The following IL16 variants were observed in gnomAD, a reference collection of about 807,000 sequenced individuals.
IL16 encodes interleukin 16.
A neutral mutation model predicts 110.1 loss-of-function variants in IL16; 67 were observed. That is an observed-to-expected ratio of 0.61 (90% CI 0.50 to 0.75). The LOEUF (loss-of-function observed/expected upper bound fraction) is 0.75, where lower values mean the gene tolerates loss of function less well. Ranked by LOEUF, IL16 falls within the 30% of genes least tolerant of loss-of-function variation. The probability of loss-of-function intolerance (pLI) is 0.00; values close to 1 mark genes in which losing one functional copy is unlikely to be tolerated. For missense variants in IL16, 1,545 were observed against 1,655.0 expected (o/e 0.93, Z 1.15); for synonymous variants, 689 against 662.9 (o/e 1.04, Z -0.61).
rs925417335 is a variant in IL16 at position 81,303,868 on chromosome 15, A to G, written c.3420+218A>G. Among the ~76,000 whole-genome samples, 2 of 152,214 alleles carry G rather than the reference A, an allele frequency of 1.3e-5. No individual in the cohort carries two copies. Among genetic ancestry groups the G allele is most frequent in the Admixed American group, 6.5e-5 (1 of 15,290 alleles). On this transcript the variant is annotated intron_variant, in intron 16 of 18. Transcript: ENST00000683961. This position sits in a 1 kb window ranked among gnomAD's most constrained non-coding sequence, Gnocchi z 4.1. ...GGCATCTTTTCCTGTGGGTCCCACT[A>G]TTCTGGCTCATCCAATCTGATCAGC...
chr15:81,219,613 G>A (rs575677386), intron 1 of IL16, among the ~76,000 whole-genome samples: 1 of 152,268 alleles, frequency 6.6e-6, no homozygotes, highest in Admixed American at 6.5e-5. Context: ...TGGTCCCTGT[G>A]AGGGGCTTCT....
intron 1 of IL16, among the ~76,000 whole-genome samples, chr15:81,214,132 A>T (rs145974305): frequency 2.3e-3 from 345 of 152,324 alleles, no homozygotes; most frequent in African/African-American, 7.6e-3. Flanking sequence ...TAGTTAAAAC[A>T]AATTCCATCA....
At chr15:81,297,147 C>T (rs1900027920) in intron 13 of IL16, 69 bp downstream of exon 13, 16 of 1,482,854 alleles carry the variant, frequency 1.1e-5, no homozygotes, top group Non-Finnish European at 1.4e-5. Flanking sequence ...AAGATAAGAG[C>T]ACAAATTGGC....
rs1156752798 is a variant in IL16 at position 81,313,648 on chromosome 15, T to C, written c.*4850T>C. On this transcript the variant is annotated 3_prime_UTR_variant, in exon 19 of 19. Transcript: ENST00000683961. ...CCTCCAGGGAGGAAGAAGTCCCTAC[T>C]CCCAGCCCAAAAACCCAGTACCCTG... 9.5e-6 allele frequency: 3 copies of C among 314,512 alleles called. No homozygotes were observed. The highest frequency in any genetic ancestry group is 6.4e-5 in the African/African-American group (3 of 46,614). The allele number at this position is 314,512 out of a possible 1,614,324, so 19.5% of individuals were successfully genotyped here.
chr15:81,250,017 G>A (rs766249450), intron 2 of IL16, among the ~76,000 whole-genome samples: 1 of 152,038 alleles, frequency 6.6e-6, no homozygotes, highest in Non-Finnish European at 1.5e-5. Flanking sequence ...TGGCTGGGAA[G>A]CCTTATTTTC....
At chr15:81,305,681 G>C in intron 16 of IL16, 3 of 575,292 alleles carry the variant, frequency 5.2e-6, no homozygotes, top group Admixed American at 3.1e-5. Context: ...TGTTGGGATG[G>C]ATTCTGAGGG....
At chr15:81,249,408 G>A (rs1897687114) in intron 2 of IL16, among the ~76,000 whole-genome samples, 1 of 151,742 alleles carries the variant, frequency 6.6e-6, no homozygotes, top group South Asian at 2.1e-4. Context: ...ACTCCCTTGG[G>A]ATTTTTTTTT....
chr15:81,260,209 A>G (rs1898100922), intron 3 of IL16, among the ~76,000 whole-genome samples: 1 of 152,232 alleles, frequency 6.6e-6, no homozygotes. Flanking sequence ...TGAGGTTGGA[A>G]GAGCTCATGA....
intron 1 of IL16, among the ~76,000 whole-genome samples, chr15:81,202,399 A>G (rs1895851180): frequency 6.6e-6 from 1 of 152,194 alleles, no homozygotes; most frequent in African/African-American, 2.4e-5. Flanking sequence ...ATAGGGTTTG[A>G]AGAGTGATGA....
At chr15:81,233,828 T>G (rs1385919789) in intron 2 of IL16, among the ~76,000 whole-genome samples, 4 of 152,080 alleles carry the variant, frequency 2.6e-5, no homozygotes, top group Non-Finnish European at 5.9e-5. Flanking sequence ...CCAATCTTTT[T>G]TAACTTTATC....
intron 1 of IL16, among the ~76,000 whole-genome samples, chr15:81,211,949 A>G (rs1595951950): frequency 6.6e-6 from 1 of 152,026 alleles, no homozygotes; most frequent in Non-Finnish European, 1.5e-5. Flanking sequence ...GGAATATTGG[A>G]GTGGGGTTTT....
intron 2 of IL16, among the ~76,000 whole-genome samples, chr15:81,230,761 C>T (rs1896943681): frequency 6.6e-6 from 1 of 152,158 alleles, no homozygotes; most frequent in Admixed American, 6.5e-5. Context: ...ATGGGTACAG[C>T]TAAGATTTCT....
intron 2 of IL16, among the ~76,000 whole-genome samples, chr15:81,228,814 G>C (rs1896877000): frequency 6.6e-6 from 1 of 152,170 alleles, no homozygotes. Flanking sequence ...TCATTAATCT[G>C]ACTGCCTAGG....
intron 1 of IL16, among the ~76,000 whole-genome samples, chr15:81,189,591 T>C (rs1895468533): frequency 6.6e-6 from 1 of 152,102 alleles, no homozygotes; most frequent in Non-Finnish European, 1.5e-5. Flanking sequence ...AGTCAAGTGA[T>C]TTAATGTGTG....
chr15:81,306,827 G>A (rs1900593538), intron 18 of IL16: 2 of 471,342 alleles, frequency 4.2e-6, no homozygotes, highest in Middle Eastern at 4.6e-4. Flanking sequence ...GTGGGGCAGT[G>A]AGGCACTGGC....
chr15:81,281,279 C>T (rs550453471), intron 8 of IL16, among the ~76,000 whole-genome samples: 10 of 152,318 alleles, frequency 6.6e-5, no homozygotes, highest in African/African-American at 2.2e-4. Flanking sequence ...TCATACGTGT[C>T]GAAAGAAAAC....
In IL16 at chr15:81,183,042, TGTGA is replaced by T. The variant is rs769514190; in HGVS notation, c.40+150_40+153del. On this transcript the variant is annotated intron_variant, in intron 1 of 18. Transcript: ENST00000302987. ...ATGAGTGAGTGTGTGTGTGCACACGTGTGAGTGTGTGTGCACACGTGTAAGTGTG... is the reference window on the plus strand; with the variant it reads ...ATGAGTGAGTGTGTGTGTGCACACGTGTGTGTGTGCACACGTGTAAGTGTG... The T allele has an allele frequency of 1.8e-3, 759 of 427,026 alleles. 5 individuals are homozygous for T. The highest frequency in any genetic ancestry group is 6.8e-3 in the Middle Eastern group (9 of 1,326). 26.5% of individuals were successfully genotyped at this position (427,026 alleles called of 1,614,324 possible).
chr15:81,279,962 A>G lies in IL16; in HGVS notation c.1081+188A>G, dbSNP rs4076201. ...AGCTCAAGACATACCATTCGAACCTAGTCAATGTGTTCTGGGTCAGTGGTT... is the reference window on the plus strand; with the variant it reads ...AGCTCAAGACATACCATTCGAACCTGGTCAATGTGTTCTGGGTCAGTGGTT... On this transcript the variant is annotated intron_variant, in intron 8 of 18. Coordinates refer to ENST00000683961, the MANE Select transcript of IL16 (RefSeq NM_172217.5). Among the ~76,000 whole-genome samples the G allele has an allele frequency of 0.2, 30,528 of 152,188 alleles. 3,223 individuals carry two copies. Among genetic ancestry groups the G allele is most frequent in the Middle Eastern group, 0.29 (85 of 294 alleles).
At position 81,196,896 on chromosome 15, in the gene IL16, C is replaced by T. The variant is rs914799713; in HGVS notation, c.-358C>T. On this transcript the variant is annotated 5_prime_UTR_variant, in exon 1 of 19. Coordinates refer to ENST00000683961, the MANE Select transcript of IL16 (RefSeq NM_172217.5). Reference sequence around the variant, plus strand: ...GGTGGGACACATTTGTCCTGAGTCACCTGTCCAGAGCAGGTGGTGAATATT... The same window carrying T: ...GGTGGGACACATTTGTCCTGAGTCATCTGTCCAGAGCAGGTGGTGAATATT... The T allele has an allele frequency of 1.7e-6, 2 of 1,182,348 alleles. No homozygotes were observed. Among genetic ancestry groups the T allele is most frequent in the African/African-American group, 1.6e-5 (1 of 62,056 alleles). 73.2% of individuals were successfully genotyped at this position (1,182,348 alleles called of 1,614,324 possible).
Sources: gnomAD v4.1 joint callset for allele counts (sites outside exome capture counted in the v4.1 genomes callset) on GRCh38, gnomAD v4.1.1 for gene constraint, Gnocchi (gnomAD v3.1) non-coding constraint, MANE v1.5 for transcripts, NCBI Gene and HGNC (gene_info 2026-07-23, HGNC 2026-07-21) for gene names.